TMEM178B: variants seen among roughly 807,000 people sequenced by gnomAD.
TMEM178B encodes transmembrane protein 178B.
A neutral mutation model predicts 31.0 loss-of-function variants in TMEM178B; 5 were observed. The observed-to-expected ratio is 0.16, with a 90% CI of 0.08 to 0.34. The LOEUF (loss-of-function observed/expected upper bound fraction) is 0.34, where lower values mean the gene tolerates loss of function less well. Ranked by LOEUF, TMEM178B falls within the 10% of genes least tolerant of loss-of-function variation. The pLI is 1.00. For missense variants in TMEM178B, 275 were observed against 400.3 expected, an observed-to-expected ratio of 0.69 and a Z score of 2.67; for synonymous variants, 164 against 164.0, an observed-to-expected ratio of 1.00 and a Z score of 0.00.
At chr7:141,470,413 C>T (rs1334710909) in intron 3 of TMEM178B, 123 bp from the exon 4 acceptor site, 22 of 1,037,408 alleles carry the variant, frequency 2.1e-5, no homozygotes, top group Non-Finnish European at 2.9e-5. Context: ...ACCTAGACTT[C>T]CCATTTTTCC....
At chr7:141,282,903 T>A (rs1468544048) in intron 2 of TMEM178B, among the ~76,000 whole-genome samples, 1 of 152,186 alleles carries the variant, frequency 6.6e-6, no homozygotes, top group Non-Finnish European at 1.5e-5. Context: ...CTAGGTATAA[T>A]GATAGATATA....
chr7:141,140,817 G>A (rs996765358), intron 1 of TMEM178B, among the ~76,000 whole-genome samples: 5 of 152,344 alleles, frequency 3.3e-5, no homozygotes, highest in South Asian at 2.1e-4. Flanking sequence ...TTGAGAGGAA[G>A]ACCACAGAGG....
intron 2 of TMEM178B, among the ~76,000 whole-genome samples, chr7:141,215,334 A>ATTTTTTTTTTTTTTT (rs779584995): frequency 1.7e-5 from 1 of 59,052 alleles, no homozygotes; most frequent in African/African-American, 4.1e-5. Context: ...TATTATTATT[A>ATTTTTTTTTTTTTTT]TTATTTTTTG....
intron 2 of TMEM178B, among the ~76,000 whole-genome samples, chr7:141,367,506 C>G (rs756500212): frequency 6.6e-6 from 1 of 152,118 alleles, no homozygotes; most frequent in Non-Finnish European, 1.5e-5. Context: ...AACTCCAGAC[C>G]TCATGTGATC....
chr7:141,263,290 T>G (rs964883196), intron 2 of TMEM178B, among the ~76,000 whole-genome samples: 1 of 152,168 alleles, frequency 6.6e-6, no homozygotes, highest in African/African-American at 2.4e-5. Flanking sequence ...CTATATAATT[T>G]CTTCTCTTGG....
At chr7:141,209,778 A>G (rs532988108) in intron 1 of TMEM178B, among the ~76,000 whole-genome samples, 16 of 152,318 alleles carry the variant, frequency 1.1e-4, no homozygotes, top group African/African-American at 3.8e-4. Context: ...CATTTGAGCC[A>G]TCTCTTAGGA....
intron 1 of TMEM178B, among the ~76,000 whole-genome samples, chr7:141,169,796 T>C (rs1796319897): frequency 6.6e-6 from 1 of 152,248 alleles, no homozygotes; most frequent in Non-Finnish European, 1.5e-5. Context: ...CAGACTTTTA[T>C]ATTATATGCC....
At chr7:141,418,447 A>G (rs189371948) in intron 2 of TMEM178B, among the ~76,000 whole-genome samples, 35 of 152,284 alleles carry the variant, frequency 2.3e-4, no homozygotes, top group African/African-American at 6.7e-4. Flanking sequence ...CATTAGCACA[A>G]TGCCTGGCAC....
chr7:141,480,799 T>C (rs141957439), downstream of TMEM178B, among the ~76,000 whole-genome samples: 138 of 152,342 alleles, frequency 9.1e-4, 1 homozygote, highest in Middle Eastern at 6.8e-3. Flanking sequence ...GTCCCTAACT[T>C]TGAGTCACAG....
chr7:141,321,825 TTA>T (rs1491401362), intron 2 of TMEM178B, among the ~76,000 whole-genome samples: 2 of 149,900 alleles, frequency 1.3e-5, no homozygotes, highest in African/African-American at 4.9e-5. Flanking sequence ...TTGTCCAACA[TTA>T]AAAAAAAAAA....
intron 2 of TMEM178B, among the ~76,000 whole-genome samples, chr7:141,404,528 A>G (rs1019416166): frequency 1.3e-5 from 2 of 151,894 alleles, no homozygotes; most frequent in Admixed American, 1.3e-4. Context: ...TCTTCACGTG[A>G]TCCTCTTCCC....
intron 2 of TMEM178B, among the ~76,000 whole-genome samples, chr7:141,214,835 A>AGATCAC (rs1459878541): frequency 4.6e-5 from 7 of 152,102 alleles, no homozygotes; most frequent in Admixed American, 4.6e-4. Context: ...TTTAACTGAT[A>AGATCAC]AAAGCCATCT....
At chr7:141,120,178 A>T (rs1038555141) in intron 1 of TMEM178B, among the ~76,000 whole-genome samples, 1 of 152,206 alleles carries the variant, frequency 6.6e-6, no homozygotes, top group Non-Finnish European at 1.5e-5. Context: ...ATGGAGTCTC[A>T]ACTCTTCCCT....
At chr7:141,326,276 G>T (rs1050610204) in intron 2 of TMEM178B, among the ~76,000 whole-genome samples, 2 of 151,950 alleles carry the variant, frequency 1.3e-5, no homozygotes, top group Non-Finnish European at 2.9e-5. Flanking sequence ...AACCAAACAT[G>T]CATTACTTGT....
At chr7:141,333,882 G>A (rs140099903) in intron 2 of TMEM178B, among the ~76,000 whole-genome samples, 17 of 152,334 alleles carry the variant, frequency 1.1e-4, no homozygotes, top group East Asian at 1.9e-4. Flanking sequence ...TAGGGTTTGC[G>A]CTCCTATGAG....
At chr7:141,374,161 C>T (rs1454738440) in intron 2 of TMEM178B, among the ~76,000 whole-genome samples, 1 of 152,156 alleles carries the variant, frequency 6.6e-6, no homozygotes, top group Non-Finnish European at 1.5e-5. Flanking sequence ...CCAGGAGCAG[C>T]TCCTTCTTCA....
At chr7:141,386,080 G>A (rs1305230241) in intron 2 of TMEM178B, among the ~76,000 whole-genome samples, 1 of 152,186 alleles carries the variant, frequency 6.6e-6, no homozygotes, top group East Asian at 1.9e-4. Context: ...AAGAGGACCA[G>A]AAATCTTGGG....
intron 2 of TMEM178B, among the ~76,000 whole-genome samples, chr7:141,317,758 A>G (rs1338582681): frequency 6.6e-6 from 1 of 152,228 alleles, no homozygotes; most frequent in African/African-American, 2.4e-5. Flanking sequence ...GAGTTAGAAC[A>G]GAGCATTTAA....
At chr7:141,313,877 C>T (rs2116462102) in intron 2 of TMEM178B, among the ~76,000 whole-genome samples, 2 of 152,108 alleles carry the variant, frequency 1.3e-5, no homozygotes, top group Non-Finnish European at 1.5e-5. Context: ...TTGTTAGGAC[C>T]CCCCTGATGA....
Sources: allele counts gnomAD v4.1 joint callset (sites outside exome capture counted in the v4.1 genomes callset), GRCh38; gene constraint gnomAD v4.1.1; transcripts MANE v1.5; gene names NCBI Gene and HGNC (gene_info 2026-07-23, HGNC 2026-07-21).